Variants in RBFOX1 observed in about 807,000 individuals in gnomAD.
RBFOX1 encodes the protein RNA binding fox-1 homolog 1.
A neutral mutation model predicts 57.7 loss-of-function variants in RBFOX1; 8 were observed. The ratio of observed to expected loss-of-function variants is 0.14; its 90% CI spans 0.08 to 0.25. The LOEUF (loss-of-function observed/expected upper bound fraction) is 0.25. RBFOX1 is among the 10% of genes least tolerant of loss of function. RBFOX1 has a pLI of 1.00. For synonymous variants in RBFOX1, 326 were observed against 222.4 expected, an observed-to-expected ratio of 1.47 and a Z score of -4.15; for missense variants, 611 against 548.5, an observed-to-expected ratio of 1.11 and a Z score of -1.14.
intron 2 of RBFOX1, among the ~76,000 whole-genome samples, chr16:6,615,381 C>T (rs909935749): frequency 6.6e-6 from 1 of 152,052 alleles, no homozygotes; most frequent in Non-Finnish European, 1.5e-5. Flanking sequence ...ACCAGCCTGG[C>T]CAACATGCCA....
chr16:7,504,787 T>TTATATATATATATTTATATATATATTTA (rs1567555350), intron 4 of RBFOX1, among the ~76,000 whole-genome samples: 1 of 9,370 alleles, frequency 1.1e-4, no homozygotes, highest in African/African-American at 3.7e-4. Context: ...ATATATATAT[T>TTATATATATATATTTATATATATATTTA]TATATATATA....
At chr16:6,719,379 T>G (rs895175670) in intron 3 of RBFOX1, among the ~76,000 whole-genome samples, 2 of 151,992 alleles carry the variant, frequency 1.3e-5, no homozygotes, top group African/African-American at 4.8e-5. Flanking sequence ...GGGAATAAAT[T>G]TAAAATAACT....
At chr16:6,844,398 C>A (rs1026065573) in intron 3 of RBFOX1, among the ~76,000 whole-genome samples, 1 of 152,132 alleles carries the variant, frequency 6.6e-6, no homozygotes, top group Non-Finnish European at 1.5e-5. Flanking sequence ...CCCATGTGCC[C>A]ATGTGTTCTC....
At chr16:7,275,374 T>G (rs912693265) in intron 4 of RBFOX1, among the ~76,000 whole-genome samples, 58 of 152,344 alleles carry the variant, frequency 3.8e-4, no homozygotes, top group African/African-American at 1.4e-3. Flanking sequence ...GACATGTGTG[T>G]TGCTTCTGAT....
chr16:6,388,348 A>G (rs1255967911), intron 2 of RBFOX1, among the ~76,000 whole-genome samples: 1 of 152,056 alleles, frequency 6.6e-6, no homozygotes, highest in Non-Finnish European at 1.5e-5. Flanking sequence ...CACCATGTGG[A>G]GCGTAGGAAT....
chr16:6,263,136 G>C (rs2097711408), intron 1 of RBFOX1, among the ~76,000 whole-genome samples: 1 of 152,164 alleles, frequency 6.6e-6, no homozygotes, highest in Admixed American at 6.5e-5. Flanking sequence ...GTTGAAATGG[G>C]TTGAAATGAG....
At chr16:6,453,857 C>A (rs1358660840) in intron 2 of RBFOX1, among the ~76,000 whole-genome samples, 1 of 152,204 alleles carries the variant, frequency 6.6e-6, no homozygotes, top group Non-Finnish European at 1.5e-5. Context: ...TACTGGATGG[C>A]ACGGATATGT....
chr16:5,841,976 G>A lies in RBFOX1; in HGVS notation c.319-25327G>A, dbSNP rs545994983. Among the ~76,000 whole-genome samples the A allele has an allele frequency of 3.3e-4, 50 of 152,312 alleles. 1 individual carries two copies. The highest frequency in any genetic ancestry group is 1.0e-3 in the Admixed American group (16 of 15,302). ...CGTGGGCTGGTGGGCTGCCATCCTC[G>A]CCCAGAGGCACACCACGCCCCATCC... On this transcript the variant is annotated intron_variant, in intron 3 of 19. Transcript: ENST00000641259.
intron 2 of RBFOX1, among the ~76,000 whole-genome samples, chr16:5,524,069 G>T (rs1297798369): frequency 6.6e-6 from 1 of 152,238 alleles, no homozygotes; most frequent in Non-Finnish European, 1.5e-5. Context: ...TAAAGGGTTT[G>T]TGGTTGAGAA....
intron 3 of RBFOX1, among the ~76,000 whole-genome samples, chr16:6,695,857 C>G (rs910073828): frequency 6.6e-6 from 1 of 152,134 alleles, no homozygotes; most frequent in Non-Finnish European, 1.5e-5. Context: ...ATCCAGGTGG[C>G]TCAGGATGAA....
chr16:7,387,849 T>G (rs1390234293), intron 4 of RBFOX1, among the ~76,000 whole-genome samples: 1 of 152,018 alleles, frequency 6.6e-6, no homozygotes, highest in Non-Finnish European at 1.5e-5. Context: ...CTGGAATTCT[T>G]TGATTATTTT....
intron 2 of RBFOX1, among the ~76,000 whole-genome samples, chr16:6,542,644 C>G (rs2096839114): frequency 6.6e-6 from 1 of 151,902 alleles, no homozygotes; most frequent in Non-Finnish European, 1.5e-5. Context: ...CGCCCGCCAC[C>G]ATGCCTGGCG....
intron 4 of RBFOX1, among the ~76,000 whole-genome samples, chr16:7,095,570 C>G (rs2061556345): frequency 1.3e-5 from 2 of 152,160 alleles, no homozygotes; most frequent in African/African-American, 4.8e-5. Flanking sequence ...ATTGTGAGCC[C>G]TTTCACACAA....
chr16:5,419,985 C>T (rs2151482411), intron 1 of RBFOX1, among the ~76,000 whole-genome samples: 2 of 152,244 alleles, frequency 1.3e-5, no homozygotes, highest in Admixed American at 1.3e-4. Context: ...ACCAGCCCAG[C>T]TCAGCCGATA....
intron 4 of RBFOX1, among the ~76,000 whole-genome samples, chr16:7,422,254 G>T (rs1222190544): frequency 6.6e-6 from 1 of 152,276 alleles, no homozygotes; most frequent in South Asian, 2.1e-4. Flanking sequence ...CTCAGAAACA[G>T]CCCTATTGTT....
At chr16:7,546,250 C>T (rs1332334372) in intron 5 of RBFOX1, among the ~76,000 whole-genome samples, 1 of 151,882 alleles carries the variant, frequency 6.6e-6, no homozygotes, top group African/African-American at 2.4e-5. Context: ...TCGTTTGAAC[C>T]CGGAGGGTGG....
chr16:5,516,864 T>G (rs1023849187), intron 2 of RBFOX1, among the ~76,000 whole-genome samples: 6 of 152,188 alleles, frequency 3.9e-5, no homozygotes, highest in East Asian at 1.9e-4. Context: ...ATTGTAAGTT[T>G]CCTGCAGCAT....
intron 4 of RBFOX1, among the ~76,000 whole-genome samples, chr16:7,378,567 G>T (rs2097727730): frequency 6.6e-6 from 1 of 152,174 alleles, no homozygotes; most frequent in Non-Finnish European, 1.5e-5. Flanking sequence ...GCCTAGGGAT[G>T]CATTTAATCT....
intron 3 of RBFOX1, among the ~76,000 whole-genome samples, chr16:6,746,968 C>T (rs1012001901): frequency 6.6e-6 from 1 of 152,146 alleles, no homozygotes; most frequent in African/African-American, 2.4e-5. Context: ...AATCTCATCT[C>T]TCCTGTGGAG....
Sources: allele counts gnomAD v4.1 joint callset (sites outside exome capture counted in the v4.1 genomes callset), GRCh38; gene constraint gnomAD v4.1.1; transcripts MANE v1.5; gene names NCBI Gene and HGNC (gene_info 2026-07-23, HGNC 2026-07-21).